Variants in PRR16 observed in about 807,000 individuals in gnomAD.
The protein encoded by PRR16 is proline rich 16.
In PRR16, 6 loss-of-function variants were observed where a neutral mutation model predicts 18.2. The ratio of observed to expected loss-of-function variants is 0.33; its 90% CI spans 0.18 to 0.65. The LOEUF is 0.65. Among genes scored for constraint, PRR16 ranks in the 30% least tolerant of loss-of-function variants. The probability of loss-of-function intolerance (pLI) is 0.74; values close to 1 mark genes in which losing one functional copy is unlikely to be tolerated. For synonymous variants in PRR16, 151 were observed against 147.8 expected (o/e 1.02, Z -0.16); for missense variants, 412 against 376.6 (o/e 1.09, Z -0.78).
the PRR16 span, among the ~76,000 whole-genome samples, chr5:120,761,540 T>A: frequency 1.3e-5 from 2 of 152,168 alleles, no homozygotes; most frequent in East Asian, 1.9e-4. Context: ...AAATTATACA[T>A]AAATCAAAAG....
At chr5:120,625,950 A>G (rs964367614) in intron 1 of PRR16, among the ~76,000 whole-genome samples, 3 of 152,114 alleles carry the variant, frequency 2.0e-5, no homozygotes, top group Admixed American at 1.3e-4. Flanking sequence ...TTAATTTAGA[A>G]CTAGTACAAT....
intron 1 of PRR16, among the ~76,000 whole-genome samples, chr5:120,519,361 A>T (rs561675506): frequency 6.6e-6 from 1 of 152,308 alleles, no homozygotes; most frequent in East Asian, 1.9e-4. Flanking sequence ...TATAGTGATA[A>T]TTACGTAATA....
At chr5:120,746,592 C>A in the PRR16 span, among the ~76,000 whole-genome samples, 1 of 152,240 alleles carries the variant, frequency 6.6e-6, no homozygotes, top group South Asian at 2.1e-4. Flanking sequence ...AGTCTGCAAC[C>A]TTCACTGTGT....
At chr5:120,774,689 C>G in the PRR16 span, among the ~76,000 whole-genome samples, 2 of 151,024 alleles carry the variant, frequency 1.3e-5, no homozygotes, top group Non-Finnish European at 2.9e-5. Context: ...ACCTCTAAAT[C>G]TATATGTGAT....
At chr5:120,749,183 AAAAT>A in the PRR16 span, among the ~76,000 whole-genome samples, 5 of 152,226 alleles carry the variant, frequency 3.3e-5, no homozygotes, top group Admixed American at 1.3e-4. Context: ...AAACACTAGA[AAAAT>A]AAAGGTATGA....
the PRR16 span, chr5:120,790,278 C>T: frequency 6.6e-6 from 1 of 152,238 alleles, no homozygotes; most frequent in East Asian, 1.9e-4. Context: ...AAAACATAAA[C>T]ACCAAACCAA....
chr5:120,729,788 C>T, the PRR16 span, among the ~76,000 whole-genome samples: 1 of 152,028 alleles, frequency 6.6e-6, no homozygotes, highest in Non-Finnish European at 1.5e-5. Flanking sequence ...CAGCATGGTT[C>T]CTGGGAAAAC....
At chr5:120,683,877 A>T (rs369727931) in intron 1 of PRR16, among the ~76,000 whole-genome samples, 1 of 152,010 alleles carries the variant, frequency 6.6e-6, no homozygotes, top group African/African-American at 2.4e-5. Context: ...GAGCAGACAT[A>T]GAAAGGATTT....
chr5:120,754,216 T>C, the PRR16 span, among the ~76,000 whole-genome samples: 1 of 54,672 alleles, frequency 1.8e-5, no homozygotes, highest in African/African-American at 6.7e-5. Flanking sequence ...AATTATATAT[T>C]ATAATATATA....
chr5:120,709,669 C>G, the PRR16 span, among the ~76,000 whole-genome samples: 8,932 of 152,168 alleles, frequency 0.059, 332 homozygotes, highest in South Asian at 0.088. Context: ...CTGGTAACCA[C>G]CATTTTACTC....
At chr5:120,750,030 AAC>A in the PRR16 span, among the ~76,000 whole-genome samples, 1 of 152,336 alleles carries the variant, frequency 6.6e-6, no homozygotes, top group South Asian at 2.1e-4. Context: ...CATATGAATC[AAC>A]ATGAGTCATT....
intron 1 of PRR16, among the ~76,000 whole-genome samples, chr5:120,668,714 A>T (rs1756484549): frequency 6.6e-6 from 1 of 152,070 alleles, no homozygotes; most frequent in African/African-American, 2.4e-5. Context: ...TCACTTATGA[A>T]GGTTAGTTTG....
chr5:120,743,212 C>T, the PRR16 span, among the ~76,000 whole-genome samples: 6 of 152,040 alleles, frequency 3.9e-5, no homozygotes, highest in Admixed American at 6.5e-5. Context: ...GGTCTATTTT[C>T]GGGCATTCAC....
chr5:120,528,114 T>C (rs1199760744), intron 1 of PRR16, among the ~76,000 whole-genome samples: 2 of 152,186 alleles, frequency 1.3e-5, no homozygotes, highest in African/African-American at 2.4e-5. Context: ...ATGTTGAACA[T>C]CTTATGATCC....
At chr5:120,481,154 ATTT>A in intron 1 of PRR16, 2 of 980,406 alleles carry the variant, frequency 2.0e-6, no homozygotes, top group Admixed American at 3.2e-5. Flanking sequence ...ATCTTATTTT[ATTT>A]TTTTTTTGGA....
intron 1 of PRR16, among the ~76,000 whole-genome samples, chr5:120,651,554 C>T (rs1181659824): frequency 1.3e-5 from 2 of 152,140 alleles, no homozygotes; most frequent in Non-Finnish European, 2.9e-5. Flanking sequence ...TATGGCTAGC[C>T]AGTTTTCCCA....
chr5:120,739,496 C>G, the PRR16 span, among the ~76,000 whole-genome samples: 1 of 152,024 alleles, frequency 6.6e-6, no homozygotes, highest in African/African-American at 2.4e-5. Flanking sequence ...CTGAGCTGTG[C>G]ATATAAAAAT....
At chr5:120,631,488 A>G (rs1755052536) in intron 1 of PRR16, among the ~76,000 whole-genome samples, 2 of 152,062 alleles carry the variant, frequency 1.3e-5, no homozygotes, top group Admixed American at 1.3e-4. Context: ...TGGTGTTGTT[A>G]TGGGGGCACA....
intron 1 of PRR16, among the ~76,000 whole-genome samples, chr5:120,647,822 G>A (rs533343321): frequency 6.6e-5 from 10 of 152,038 alleles, no homozygotes; most frequent in Admixed American, 2.0e-4. Context: ...CAAAAAACTC[G>A]TGTTTATAAG....
Sources: gnomAD v4.1 joint callset for allele counts (sites outside exome capture counted in the v4.1 genomes callset) on GRCh38, gnomAD v4.1.1 for gene constraint, MANE v1.5 for transcripts, NCBI Gene and HGNC (gene_info 2026-07-23, HGNC 2026-07-21) for gene names.